Variants in CDC42SE2 observed in about 807,000 individuals in gnomAD.
CDC42SE2 encodes the protein CDC42 small effector protein 2.
Under a neutral mutation model 11.5 loss-of-function variants are expected in CDC42SE2, and 3 were observed. The observed-to-expected ratio is 0.26, with a 90% CI of 0.12 to 0.67. The LOEUF (loss-of-function observed/expected upper bound fraction) is 0.67, where lower values mean the gene tolerates loss of function less well. Among genes scored for constraint, CDC42SE2 ranks in the 30% least tolerant of loss-of-function variants. The probability of loss-of-function intolerance (pLI) is 0.80; values close to 1 mark genes in which losing one functional copy is unlikely to be tolerated. For missense variants in CDC42SE2, 82 were observed against 106.8 expected (o/e 0.77, Z 1.02); for synonymous variants, 33 against 34.8 (o/e 0.95, Z 0.18).
intron 1 of CDC42SE2, among the ~76,000 whole-genome samples, chr5:131,247,027 C>T (rs1004470845): frequency 2.6e-5 from 4 of 151,922 alleles, no homozygotes; most frequent in South Asian, 2.1e-4. Context: ...TACAAGCGTG[C>T]GCCCCCATGC....
rs1196399007 is a variant in CDC42SE2, at chr5:131,393,963, A to T, written c.*2872A>T. The T allele has an allele frequency of 1.3e-5, 2 of 151,732 alleles. No homozygotes were observed. Among genetic ancestry groups the T allele is most frequent in the African/African-American group, 4.8e-5 (2 of 41,292 alleles). The allele number at this position is 151,732 out of a possible 1,614,324, so 9.4% of individuals were successfully genotyped here. A position where few individuals can be genotyped will look rare whatever the true frequency, so the allele number is the denominator to read the frequency against. On this transcript the variant is annotated 3_prime_UTR_variant, in exon 5 of 5. Coordinates refer to ENST00000505065, the MANE Select transcript of CDC42SE2 (RefSeq NM_001375635.1). ...TCTACAGGCACAGTAACTACACTTT[A>T]TACAGGAGCACATGCCAAAGTGCCT...
At chr5:131,245,993 C>A (rs1276098451) in intron 1 of CDC42SE2, among the ~76,000 whole-genome samples, 2 of 152,214 alleles carry the variant, frequency 1.3e-5, no homozygotes, top group Non-Finnish European at 2.9e-5. Context: ...TCAAGAAGAA[C>A]TCACAGGGGT....
intron 1 of CDC42SE2, among the ~76,000 whole-genome samples, chr5:131,287,048 G>T (rs921929136): frequency 6.6e-6 from 1 of 152,112 alleles, no homozygotes; most frequent in African/African-American, 2.4e-5. Context: ...AGGCTGGAGT[G>T]CAGTGGCGCA....
At chr5:131,332,923 G>T (rs1580759461) in intron 2 of CDC42SE2, among the ~76,000 whole-genome samples, 1 of 152,138 alleles carries the variant, frequency 6.6e-6, no homozygotes, top group South Asian at 2.1e-4. Context: ...TAGGTTGCCT[G>T]TTCACTCTGA....
the CDC42SE2 span, among the ~76,000 whole-genome samples, chr5:131,210,131 T>TG: frequency 6.6e-6 from 1 of 152,238 alleles, no homozygotes; most frequent in African/African-American, 2.4e-5. Flanking sequence ...GTGGAGCAGA[T>TG]GCTGGTGTCA....
the CDC42SE2 span, among the ~76,000 whole-genome samples, chr5:131,223,613 T>C: frequency 2.0e-5 from 3 of 152,228 alleles, no homozygotes; most frequent in Non-Finnish European, 2.9e-5. Context: ...TAAAGGACAT[T>C]GCTCCAATAG....
chr5:131,270,353 C>T (rs996928127), intron 1 of CDC42SE2, among the ~76,000 whole-genome samples: 2 of 151,752 alleles, frequency 1.3e-5, no homozygotes, highest in African/African-American at 2.4e-5. Context: ...CCAGCCTGGG[C>T]GAAAGAGTGA....
At chr5:131,219,508 A>G in the CDC42SE2 span, among the ~76,000 whole-genome samples, 1 of 152,234 alleles carries the variant, frequency 6.6e-6, no homozygotes, top group Non-Finnish European at 1.5e-5. Flanking sequence ...AGGCTTTAAT[A>G]CTTCCCTCTA....
chr5:131,210,676 C>T, the CDC42SE2 span, among the ~76,000 whole-genome samples: 1 of 152,126 alleles, frequency 6.6e-6, no homozygotes, highest in Admixed American at 6.5e-5. Context: ...TTTATGATTG[C>T]TTGTAAGATT....
intron 1 of CDC42SE2, among the ~76,000 whole-genome samples, chr5:131,298,287 A>G (rs1757613263): frequency 6.6e-6 from 1 of 151,318 alleles, no homozygotes; most frequent in Admixed American, 6.6e-5. Flanking sequence ...TTTTTTTTTA[A>G]GTAGAGATGG....
At chr5:131,361,000 A>G (rs1467444970) in intron 3 of CDC42SE2, among the ~76,000 whole-genome samples, 11 of 146,908 alleles carry the variant, frequency 7.5e-5, no homozygotes, top group Admixed American at 7.4e-4. Context: ...TTTTCTTATT[A>G]TATTTTTCTT....
At chr5:131,241,213 C>A (rs74657230), upstream of CDC42SE2, among the ~76,000 whole-genome samples, 20,873 of 152,068 alleles carry the variant, frequency 0.14, 1,541 homozygotes, top group Middle Eastern at 0.23. Flanking sequence ...CTCCTGACCT[C>A]GGCCTCCCAA....
At chr5:131,248,771 G>A (rs1045824528) in intron 1 of CDC42SE2, among the ~76,000 whole-genome samples, 2 of 152,002 alleles carry the variant, frequency 1.3e-5, no homozygotes, top group South Asian at 2.1e-4. Flanking sequence ...ACCTCTTTAC[G>A]GAAAATTATT....
At position 131,284,402 on chromosome 5, in the gene CDC42SE2, G is replaced by T. The variant is rs373863486; in HGVS notation, c.-455+20236G>T. On this transcript the variant is annotated intron_variant, in intron 1 of 4. Transcript: ENST00000505065. ...GGATTTCAAAGGAAAACAATTGTTA[G>T]AGTGCTAAAGTAGGATACAAAATTG... 4.6e-5 allele frequency among the ~76,000 whole-genome samples: 7 copies of T among 152,312 alleles called. No homozygotes were observed. The South Asian group carries it at 8.3e-4, about 18-fold the overall frequency.
rs73786644 is a variant in CDC42SE2, at chr5:131,318,361, G to A, written c.-286+2217G>A. ...TTAAATCATTAAGGTCAACTTTAATGTGCTGTATTTCATATATATTTTGTA... is the reference window on the plus strand; with the variant it reads ...TTAAATCATTAAGGTCAACTTTAATATGCTGTATTTCATATATATTTTGTA... On this transcript the variant is annotated intron_variant, in intron 2 of 4. Coordinates refer to ENST00000505065, the MANE Select transcript of CDC42SE2 (RefSeq NM_001375635.1). Among the ~76,000 whole-genome samples the A allele has an allele frequency of 9.7e-3, 1,480 of 152,230 alleles. 24 individuals are homozygous for A. Among genetic ancestry groups the A allele is most frequent in the African/African-American group, 0.034 (1,397 of 41,532 alleles).
chr5:131,314,498 C>A (rs1013871999), intron 1 of CDC42SE2, among the ~76,000 whole-genome samples: 11 of 152,082 alleles, frequency 7.2e-5, no homozygotes, highest in Non-Finnish European at 1.6e-4. Flanking sequence ...ACCCTGGCCT[C>A]CCAGAGTGCT....
rs1347912542 is a variant in CDC42SE2, at chr5:131,316,064, ATC to A, written c.-364_-363del. Reference sequence around the variant, plus strand: ...TGCAAGGAATAACTACTGACAGTGAATCTGCGGTCATCTGTATGCATAATATG... The same window carrying A: ...TGCAAGGAATAACTACTGACAGTGAATGCGGTCATCTGTATGCATAATATG... On this transcript the variant is annotated 5_prime_UTR_variant, in exon 2 of 5. It adds an upstream start codon to the 5' untranslated region. Transcript: ENST00000505065. The A allele has an allele frequency of 3.3e-5, 5 of 152,352 alleles. No individual in the cohort carries two copies. Among genetic ancestry groups the A allele is most frequent in the Admixed American group, 2.0e-4 (3 of 15,288 alleles). The allele number at this position is 152,352 out of a possible 1,614,324, so 9.4% of individuals were successfully genotyped here.
intron 1 of CDC42SE2, among the ~76,000 whole-genome samples, chr5:131,278,330 C>G (rs1040604778): frequency 6.6e-6 from 1 of 152,050 alleles, no homozygotes; most frequent in Non-Finnish European, 1.5e-5. Flanking sequence ...TTTAAAATGT[C>G]AAAAGCCTAT....
chr5:131,333,368 A>G (rs1758469753), intron 2 of CDC42SE2, among the ~76,000 whole-genome samples: 1 of 152,172 alleles, frequency 6.6e-6, no homozygotes, highest in Non-Finnish European at 1.5e-5. Flanking sequence ...TGGTTACTGT[A>G]GCCTTGTAGT....
Sources: allele counts gnomAD v4.1 joint callset (sites outside exome capture counted in the v4.1 genomes callset), GRCh38; gene constraint gnomAD v4.1.1; transcripts MANE v1.5; gene names NCBI Gene and HGNC (gene_info 2026-07-23, HGNC 2026-07-21).